Variants in KHDRBS3 observed in about 807,000 individuals in gnomAD.
The protein encoded by KHDRBS3 is KH RNA binding domain containing, signal transduction associated 3.
KHDRBS3 carries 23 observed loss-of-function variants against 45.6 expected under a neutral mutation model. The observed-to-expected ratio is 0.50, with a 90% CI of 0.36 to 0.72. The LOEUF is 0.72. Ranked by LOEUF, KHDRBS3 falls within the 30% of genes least tolerant of loss-of-function variation. KHDRBS3 has a pLI of 0.00. For missense variants in KHDRBS3, 352 were observed against 424.8 expected (o/e 0.83, Z 1.51); for synonymous variants, 162 against 156.5 (o/e 1.04, Z -0.26).
chr8:135,583,610 A>G (rs1274480450), intron 6 of KHDRBS3, among the ~76,000 whole-genome samples: 1 of 152,218 alleles, frequency 6.6e-6, no homozygotes, highest in East Asian at 1.9e-4. Context: ...CCTGGATCCT[A>G]TACCCCATTT....
chr8:135,487,442 A>C (rs924764161), intron 1 of KHDRBS3, among the ~76,000 whole-genome samples: 12 of 152,182 alleles, frequency 7.9e-5, no homozygotes, highest in Admixed American at 3.9e-4. Context: ...TCTGGGCTAG[A>C]TAGAGGAGAG....
intron 5 of KHDRBS3, among the ~76,000 whole-genome samples, chr8:135,575,933 G>A (rs115204246): frequency 3.9e-5 from 6 of 152,260 alleles, no homozygotes; most frequent in Non-Finnish European, 7.4e-5. Flanking sequence ...ACAACATCAC[G>A]TTGAGTTGTC....
intron 1 of KHDRBS3, among the ~76,000 whole-genome samples, chr8:135,490,262 C>T (rs1228599903): frequency 1.3e-5 from 2 of 151,432 alleles, no homozygotes; most frequent in Non-Finnish European, 2.9e-5. Context: ...TGGATCTTCC[C>T]TTGCCTCCCC....
intron 7 of KHDRBS3, among the ~76,000 whole-genome samples, chr8:135,626,912 A>T (rs559642442): frequency 2.0e-4 from 30 of 151,726 alleles, no homozygotes; most frequent in African/African-American, 7.2e-4. Context: ...AAAATTAATA[A>T]TTTTTTTTCA....
chr8:135,602,969 C>T (rs978992373), intron 6 of KHDRBS3, among the ~76,000 whole-genome samples: 8 of 152,310 alleles, frequency 5.3e-5, no homozygotes, highest in African/African-American at 1.9e-4. Flanking sequence ...CCTGTACCTC[C>T]ATTGTTTTTC....
chr8:135,458,019 CA>C, intron 1 of KHDRBS3, 65 bp downstream of exon 1: 5 of 1,503,502 alleles, frequency 3.3e-6, no homozygotes, highest in Non-Finnish European at 4.4e-6. Flanking sequence ...CGCGGGGGCC[CA>C]GGGGGCCCCT....
At position 135,514,480 on chromosome 8, in the gene KHDRBS3, A is replaced by G. The variant is rs193183202; in HGVS notation, c.89-6757A>G. Among the ~76,000 whole-genome samples the G allele has an allele frequency of 4.6e-5, 7 of 152,326 alleles. No individual in the cohort carries two copies. In the East Asian group the frequency reaches 1.2e-3, roughly 25 times the overall value. ...CCAAGCATGGAAAGACAAATACTGT[A>G]TGATTCCTCTTATATGACACAGCTA... is the stretch of plus-strand genomic sequence containing the variant. On this transcript the variant is annotated intron_variant, in intron 1 of 8. Transcript: ENST00000355849.
At chr8:135,648,105 G>A (rs777183823), downstream of KHDRBS3, 1 of 152,040 alleles carries the variant, frequency 6.6e-6, no homozygotes, top group Non-Finnish European at 1.5e-5. Context: ...ACCCTTAAAC[G>A]GTCTTCATTT....
intron 7 of KHDRBS3, among the ~76,000 whole-genome samples, chr8:135,631,208 G>C (rs540798756): frequency 8.3e-6 from 1 of 119,950 alleles, no homozygotes; most frequent in Non-Finnish European, 1.6e-5. Flanking sequence ...CTGAGATCGC[G>C]ACACTGCACT....
intron 3 of KHDRBS3, among the ~76,000 whole-genome samples, chr8:135,544,516 A>G (rs554677758): frequency 6.6e-6 from 1 of 152,304 alleles, no homozygotes; most frequent in Admixed American, 6.5e-5. Context: ...GTCAATAGCC[A>G]GTGATCCTTT....
intron 7 of KHDRBS3, among the ~76,000 whole-genome samples, chr8:135,613,463 T>C (rs1829787249): frequency 6.6e-6 from 1 of 151,778 alleles, no homozygotes; most frequent in Admixed American, 6.6e-5. Flanking sequence ...ACGTAGTCTT[T>C]GTAAACTGTG....
chr8:135,493,082 A>ATT (rs1351862984), intron 1 of KHDRBS3, among the ~76,000 whole-genome samples: 1 of 145,264 alleles, frequency 6.9e-6, no homozygotes, highest in African/African-American at 2.5e-5. Context: ...TGTTACTGGA[A>ATT]TTTTTTTTTT....
chr8:135,494,806 C>A (rs969778986), intron 1 of KHDRBS3, among the ~76,000 whole-genome samples: 1 of 152,244 alleles, frequency 6.6e-6, no homozygotes, highest in African/African-American at 2.4e-5. Flanking sequence ...GCCATTCTCT[C>A]ACCCAGGTGA....
chr8:135,539,890 A>G (rs1473339434), intron 2 of KHDRBS3: 3 of 152,196 alleles, frequency 2.0e-5, no homozygotes, highest in Non-Finnish European at 4.4e-5. Context: ...AGGTATATAA[A>G]AGTCAATAAA....
rs779628832 is a variant in KHDRBS3, at chr8:135,582,044, C to T, written c.778C>T (p.Pro260Ser). Residue 260 changes from proline to serine, a missense_variant, in exon 6 of 9, where the codon CCC (proline) becomes TCC (serine). Physicochemically the swap from Pro to Ser is moderately conservative, Grantham distance 74. Around this residue, in one of 6 missense-constraint regions of KHDRBS3, gnomAD observed 212 missense variants for 209.6 expected, o/e 1.01. Transcript: ENST00000355849. ...PPTGYRPPPP[P>S]PTQETYGEYD... ...AACTGGGTACAGACCTCCACCGCCA[C>T]CCCCGACACAAGAGACTTATGGAGA... 6.3e-7 allele frequency: 1 copy of T among 1,584,874 alleles called. No individual in the cohort carries two copies. The highest frequency in any genetic ancestry group is 2.3e-5 in the East Asian group (1 of 43,954).
chr8:135,511,357 A>G (rs985658131), intron 1 of KHDRBS3, among the ~76,000 whole-genome samples: 2 of 152,208 alleles, frequency 1.3e-5, no homozygotes, highest in Non-Finnish European at 2.9e-5. Context: ...TTAATTAGCC[A>G]TGATGGGTAG....
intron 6 of KHDRBS3, among the ~76,000 whole-genome samples, chr8:135,593,580 C>A (rs1334783171): frequency 6.6e-6 from 1 of 152,082 alleles, no homozygotes; most frequent in Non-Finnish European, 1.5e-5. Context: ...TGGACTCAAG[C>A]GATCCTCCTG....
intron 5 of KHDRBS3, among the ~76,000 whole-genome samples, chr8:135,564,020 A>G (rs1166329465): frequency 6.6e-6 from 1 of 152,236 alleles, no homozygotes. Context: ...AAGTGAGAAC[A>G]TTAGGCTAAC....
intron 6 of KHDRBS3, among the ~76,000 whole-genome samples, chr8:135,582,480 C>A (rs1270687075): frequency 6.6e-6 from 1 of 152,190 alleles, no homozygotes; most frequent in African/African-American, 2.4e-5. Flanking sequence ...AGCTACTCTG[C>A]TGAGTATGGA....
Sources: gnomAD v4.1 joint callset for allele counts (sites outside exome capture counted in the v4.1 genomes callset) on GRCh38, gnomAD v4.1.1 for gene constraint, gnomAD v4.1.1 regional missense constraint, MANE v1.5 for transcripts, NCBI Gene and HGNC (gene_info 2026-07-23, HGNC 2026-07-21) for gene names.